SAMMSON: variants seen among roughly 807,000 people sequenced by gnomAD.
The protein encoded by SAMMSON is survival associated mitochondrial melanoma specific oncogenic non-coding RNA.
rs372544064 is a variant in SAMMSON at position 70,248,353 on chromosome 3, T to G, written n.508-754T>G. ...AAGGAGTTTATAAATGGAGAAAAAA[T>G]TTTGAAAAGCATGTTATATTGAGAG... On this transcript the variant is annotated intron_variant and non_coding_transcript_variant, in intron 4 of 9. Coordinates refer to ENST00000642114, the Ensembl canonical transcript of SAMMSON. Among the ~76,000 whole-genome samples the G allele has an allele frequency of 1.3e-3, 203 of 152,042 alleles. 1 individual carries two copies. In the South Asian group the frequency reaches 0.036, roughly 27 times the overall value.
chr3:70,414,850 A>G (rs1385668114), intron 2 of SAMMSON, among the ~76,000 whole-genome samples: 1 of 152,192 alleles, frequency 6.6e-6, no homozygotes, highest in Non-Finnish European at 1.5e-5. Flanking sequence ...CTATGAAAAT[A>G]CTTACTTTTT....
chr3:70,381,963 G>C (rs866113104), intron 9 of SAMMSON, among the ~76,000 whole-genome samples: 5 of 152,110 alleles, frequency 3.3e-5, no homozygotes, highest in African/African-American at 1.2e-4. Context: ...TGATGTCTAG[G>C]AACTATTGCT....
chr3:70,221,854 G>A (rs1359143736), intron 4 of SAMMSON, among the ~76,000 whole-genome samples: 1 of 152,118 alleles, frequency 6.6e-6, no homozygotes, highest in Non-Finnish European at 1.5e-5. Flanking sequence ...AGTAATTGAG[G>A]TTTTGTCGTT....
At chr3:70,139,385 G>A (rs2067518536) in intron 4 of SAMMSON, among the ~76,000 whole-genome samples, 1 of 152,116 alleles carries the variant, frequency 6.6e-6, no homozygotes. Context: ...CAGACCCACT[G>A]GGACAGTGGT....
At chr3:70,131,756 A>G (rs1269288141) in intron 4 of SAMMSON, among the ~76,000 whole-genome samples, 1 of 151,774 alleles carries the variant, frequency 6.6e-6, no homozygotes, top group Non-Finnish European at 1.5e-5. Flanking sequence ...AGTTTTTTTG[A>G]TTTTTTAAGT....
intron 9 of SAMMSON, among the ~76,000 whole-genome samples, chr3:70,380,719 G>T (rs891218919): frequency 6.6e-6 from 1 of 150,840 alleles, no homozygotes. Flanking sequence ...ACAGGCCCCA[G>T]TGTGTGATGT....
intron 3 of SAMMSON, among the ~76,000 whole-genome samples, chr3:70,062,386 C>T (rs749472715): frequency 5.5e-4 from 84 of 152,186 alleles, no homozygotes; most frequent in Middle Eastern, 3.4e-3. Flanking sequence ...CAAATACTGG[C>T]AATTTCTTGT....
intron 4 of SAMMSON, among the ~76,000 whole-genome samples, chr3:70,102,925 T>C (rs898428578): frequency 3.9e-5 from 6 of 152,184 alleles, no homozygotes; most frequent in Non-Finnish European, 7.3e-5. Flanking sequence ...ATGGTGTGAT[T>C]AAAGGGAAGC....
chr3:70,378,874 T>C (rs1295599180), intron 9 of SAMMSON, among the ~76,000 whole-genome samples: 2 of 152,246 alleles, frequency 1.3e-5, no homozygotes, highest in African/African-American at 4.8e-5. Context: ...AGGAATGATA[T>C]ATACATAAAC....
chr3:70,291,659 C>G (rs1421585090), intron 7 of SAMMSON, among the ~76,000 whole-genome samples: 1 of 152,188 alleles, frequency 6.6e-6, no homozygotes, highest in Non-Finnish European at 1.5e-5. Context: ...TCACTCATAA[C>G]AGATTTGCTA....
chr3:70,282,086 A>T (rs1396505339), intron 6 of SAMMSON, among the ~76,000 whole-genome samples: 1 of 152,090 alleles, frequency 6.6e-6, no homozygotes, highest in African/African-American at 2.4e-5. Flanking sequence ...ACAGCCAGGG[A>T]AGAAGGCTTT....
chr3:70,055,942 T>C (rs930753636), intron 3 of SAMMSON, among the ~76,000 whole-genome samples: 2 of 152,052 alleles, frequency 1.3e-5, no homozygotes, highest in Non-Finnish European at 2.9e-5. Flanking sequence ...AGCCCCTTAC[T>C]TCTTCCCACT....
At chr3:70,229,386 A>G (rs1318438199) in intron 4 of SAMMSON, among the ~76,000 whole-genome samples, 6 of 152,188 alleles carry the variant, frequency 3.9e-5, no homozygotes, top group Non-Finnish European at 5.9e-5. Flanking sequence ...GCTAAAGAAG[A>G]TCATTTTAAT....
intron 3 of SAMMSON, among the ~76,000 whole-genome samples, chr3:70,028,343 C>G (rs1189856092): frequency 6.6e-6 from 1 of 152,064 alleles, no homozygotes; most frequent in Non-Finnish European, 1.5e-5. Flanking sequence ...GTGCCTTGTG[C>G]TTCTTTGAAT....
At chr3:70,062,006 G>T (rs989465899) in intron 3 of SAMMSON, among the ~76,000 whole-genome samples, 4 of 151,984 alleles carry the variant, frequency 2.6e-5, no homozygotes, top group Admixed American at 2.6e-4. Context: ...CAGTATTTTT[G>T]ATCCCTGGCC....
intron 7 of SAMMSON, among the ~76,000 whole-genome samples, chr3:70,324,351 C>T (rs1403072): frequency 0.74 from 112,452 of 151,916 alleles, 42,012 homozygotes; most frequent in Middle Eastern, 0.79. Flanking sequence ...ATCAGCGGCC[C>T]TGAAGGTCTG....
At chr3:70,281,865 G>T (rs1326210045) in intron 6 of SAMMSON, among the ~76,000 whole-genome samples, 1 of 152,120 alleles carries the variant, frequency 6.6e-6, no homozygotes, top group African/African-American at 2.4e-5. Flanking sequence ...AGAAATTCTA[G>T]TTCATCATAC....
intron 4 of SAMMSON, among the ~76,000 whole-genome samples, chr3:70,194,421 G>A (rs1313848513): frequency 6.6e-6 from 1 of 152,106 alleles, no homozygotes; most frequent in African/African-American, 2.4e-5. Flanking sequence ...TTCTGCAATT[G>A]TATTTCCCCA....
At chr3:70,172,200 A>G (rs774032471) in intron 4 of SAMMSON, 3 of 151,356 alleles carry the variant, frequency 2.0e-5, no homozygotes, top group Non-Finnish European at 4.4e-5. Context: ...GCCAGGTAAA[A>G]TATTTTTAAA....
Sources: gnomAD v4.1 joint callset for allele counts (sites outside exome capture counted in the v4.1 genomes callset) on GRCh38, gnomAD v4.1.1 for gene constraint, MANE v1.5 for transcripts, NCBI Gene and HGNC (gene_info 2026-07-23, HGNC 2026-07-21) for gene names.